NRXN3: variants seen among roughly 807,000 people sequenced by gnomAD.
NRXN3 encodes the protein neurexin 3.
NRXN3 carries 32 observed loss-of-function variants against 137.6 expected under a neutral mutation model. The ratio of observed to expected loss-of-function variants is 0.23; its 90% CI spans 0.18 to 0.31. The LOEUF (loss-of-function observed/expected upper bound fraction) is 0.31, where lower values mean the gene tolerates loss of function less well. Among genes scored for constraint, NRXN3 ranks in the 10% least tolerant of loss-of-function variants. The pLI is 1.00. For missense variants in NRXN3, 1,574 were observed against 2,062.5 expected, an observed-to-expected ratio of 0.76 and a Z score of 4.59; for synonymous variants, 798 against 784.5, an observed-to-expected ratio of 1.02 and a Z score of -0.29.
At chr14:79,713,594 T>C (rs1248945478) in intron 19 of NRXN3, among the ~76,000 whole-genome samples, 1 of 128,552 alleles carries the variant, frequency 7.8e-6, no homozygotes, top group African/African-American at 2.7e-5. Flanking sequence ...CATATATATA[T>C]ACATACATAT....
At chr14:79,768,979 G>A (rs2099066745) in intron 19 of NRXN3, among the ~76,000 whole-genome samples, 1 of 151,760 alleles carries the variant, frequency 6.6e-6, no homozygotes, top group Admixed American at 6.6e-5. Flanking sequence ...GAAGAACGCA[G>A]AAGCCTCAGG....
chr14:78,685,684 G>T (rs1258558850), intron 6 of NRXN3, among the ~76,000 whole-genome samples: 2 of 144,906 alleles, frequency 1.4e-5, no homozygotes, highest in Middle Eastern at 3.4e-3. Flanking sequence ...CCAGGATGGA[G>T]TGCAATGGCA....
intron 15 of NRXN3, among the ~76,000 whole-genome samples, chr14:79,225,864 T>C (rs919180093): frequency 1.7e-4 from 26 of 152,096 alleles, no homozygotes; most frequent in African/African-American, 6.0e-4. Context: ...CATTGGCAGC[T>C]TCTAGAGGCT....
At chr14:79,096,752 C>T (rs997716513) in intron 15 of NRXN3, among the ~76,000 whole-genome samples, 1 of 152,140 alleles carries the variant, frequency 6.6e-6, no homozygotes, top group Non-Finnish European at 1.5e-5. Flanking sequence ...TTCCCCTCCC[C>T]CAACAGATCC....
At chr14:79,787,520 G>A (rs1245741333) in intron 19 of NRXN3, among the ~76,000 whole-genome samples, 1 of 152,106 alleles carries the variant, frequency 6.6e-6, no homozygotes, top group Admixed American at 6.6e-5. Context: ...AAACTTTGTA[G>A]TCTTCAACCA....
intron 15 of NRXN3, among the ~76,000 whole-genome samples, chr14:79,284,006 C>T (rs1381585431): frequency 6.6e-6 from 1 of 151,852 alleles, no homozygotes; most frequent in African/African-American, 2.4e-5. Flanking sequence ...TAAAATATCC[C>T]TCCAGGTTCC....
intron 4 of NRXN3, among the ~76,000 whole-genome samples, chr14:78,365,724 TGTC>T (rs1366072500): frequency 1.3e-5 from 2 of 152,228 alleles, no homozygotes; most frequent in African/African-American, 4.8e-5. Flanking sequence ...GATAGAATAT[TGTC>T]GTTAGAATTT....
At chr14:78,570,593 T>G (rs2096880061) in intron 4 of NRXN3, among the ~76,000 whole-genome samples, 1 of 152,160 alleles carries the variant, frequency 6.6e-6, no homozygotes, top group African/African-American at 2.4e-5. Flanking sequence ...CAAGCAGTTC[T>G]CCAGCAGCCC....
chr14:79,441,259 T>C (rs1260035649), intron 15 of NRXN3, among the ~76,000 whole-genome samples: 1 of 151,756 alleles, frequency 6.6e-6, no homozygotes, highest in African/African-American at 2.4e-5. Context: ...TGGATCTCTG[T>C]AGCAAGTTCT....
intron 10 of NRXN3, among the ~76,000 whole-genome samples, chr14:78,824,092 G>A (rs1253664414): frequency 1.4e-5 from 2 of 140,096 alleles, no homozygotes; most frequent in South Asian, 2.3e-4. Flanking sequence ...AAAGAAATGG[G>A]TCACCTGCTT....
intron 4 of NRXN3, among the ~76,000 whole-genome samples, chr14:78,353,122 A>G (rs573374365): frequency 6.6e-6 from 1 of 152,308 alleles, no homozygotes; most frequent in East Asian, 1.9e-4. Context: ...TTATTCTTAT[A>G]GATGAGGAAA....
intron 7 of NRXN3, among the ~76,000 whole-genome samples, chr14:78,712,902 G>A (rs941364028): frequency 1.3e-5 from 2 of 152,188 alleles, no homozygotes; most frequent in Non-Finnish European, 2.9e-5. Context: ...TCTTGATCAC[G>A]TCTGATCTTC....
At chr14:78,368,403 A>C (rs568408534) in intron 4 of NRXN3, among the ~76,000 whole-genome samples, 1 of 152,294 alleles carries the variant, frequency 6.6e-6, no homozygotes, top group Admixed American at 6.5e-5. Flanking sequence ...CATGTTTTAT[A>C]AAATGGGATG....
chr14:79,351,773 ACTT>A (rs1271247448), intron 15 of NRXN3, among the ~76,000 whole-genome samples: 4 of 152,182 alleles, frequency 2.6e-5, no homozygotes, highest in Admixed American at 2.6e-4. Flanking sequence ...ACCCATCATG[ACTT>A]CTTTTAATCA....
chr14:78,419,961 G>GCGCGCGCGCACACACACA (rs1555518606), intron 4 of NRXN3, among the ~76,000 whole-genome samples: 1 of 49,150 alleles, frequency 2.0e-5, no homozygotes, highest in African/African-American at 4.5e-5. Context: ...GCGCGCGCAC[G>GCGCGCGCGCACACACACA]CACACACACA....
intron 4 of NRXN3, among the ~76,000 whole-genome samples, chr14:78,538,085 C>A (rs2096553583): frequency 6.6e-6 from 1 of 152,144 alleles, no homozygotes; most frequent in Admixed American, 6.5e-5. Context: ...ATTGACTTGG[C>A]AATGCGGGCT....
chr14:79,420,133 A>G (rs2095554875), intron 15 of NRXN3, among the ~76,000 whole-genome samples: 1 of 152,182 alleles, frequency 6.6e-6, no homozygotes, highest in African/African-American at 2.4e-5. Context: ...GAATGCAAAT[A>G]GCTCTTGGAG....
chr14:78,780,563 G>A (rs2098765434), intron 8 of NRXN3, among the ~76,000 whole-genome samples: 1 of 152,038 alleles, frequency 6.6e-6, no homozygotes, highest in African/African-American at 2.4e-5. Context: ...ACAAAGGATT[G>A]GTATTCTAAA....
intron 4 of NRXN3, among the ~76,000 whole-genome samples, chr14:78,494,351 T>C (rs1234342934): frequency 6.6e-6 from 1 of 151,928 alleles, no homozygotes; most frequent in East Asian, 1.9e-4. Context: ...TAGAAACCCA[T>C]ATTTGGCGTG....
Sources: gnomAD v4.1 joint callset for allele counts (sites outside exome capture counted in the v4.1 genomes callset) on GRCh38, gnomAD v4.1.1 for gene constraint, MANE v1.5 for transcripts, NCBI Gene and HGNC (gene_info 2026-07-23, HGNC 2026-07-21) for gene names.